The following SPIDR variants were observed in gnomAD, a reference collection of about 807,000 sequenced individuals.
The protein encoded by SPIDR is DNA repair-scaffolding protein.
A neutral mutation model predicts 104.6 loss-of-function variants in SPIDR; 93 were observed. That is an observed-to-expected ratio of 0.89 (90% CI 0.75 to 1.06). SPIDR has a LOEUF of 1.06. Ranked by LOEUF, SPIDR falls within the 50% of genes least tolerant of loss-of-function variation. The pLI, the probability that SPIDR is intolerant of heterozygous loss-of-function variation, is 0.00. For missense variants in SPIDR, 1,154 were observed against 1,111.2 expected (o/e 1.04, Z -0.55); for synonymous variants, 431 against 416.9 (o/e 1.03, Z -0.41).
chr8:47,372,453 C>G (rs2058148422), intron 5 of SPIDR, among the ~76,000 whole-genome samples: 1 of 151,946 alleles, frequency 6.6e-6, no homozygotes, highest in Non-Finnish European at 1.5e-5. Context: ...GGTGAAACCC[C>G]ATCTCTACTA....
intron 8 of SPIDR, among the ~76,000 whole-genome samples, chr8:47,566,000 T>A (rs1464861419): frequency 9.5e-4 from 53 of 55,642 alleles, no homozygotes; most frequent in East Asian, 1.9e-3. Context: ...ATATTTTTTT[T>A]TTTTTTTTTT....
chr8:47,691,034 G>A (rs907963469), intron 11 of SPIDR, among the ~76,000 whole-genome samples: 2 of 152,080 alleles, frequency 1.3e-5, no homozygotes, highest in Non-Finnish European at 2.9e-5. Context: ...GCTCATGCCT[G>A]TAATCCCAGC....
chr8:47,308,668 A>T (rs1325743600), intron 5 of SPIDR, among the ~76,000 whole-genome samples: 1 of 152,206 alleles, frequency 6.6e-6, no homozygotes, highest in Non-Finnish European at 1.5e-5. Flanking sequence ...GAGGGCTTGT[A>T]ACAGTGAGTG....
intron 8 of SPIDR, among the ~76,000 whole-genome samples, chr8:47,490,300 A>G (rs1253846234): frequency 1.3e-5 from 2 of 152,210 alleles, no homozygotes; most frequent in Non-Finnish European, 2.9e-5. Flanking sequence ...ACAATGAGAT[A>G]CCATGTCACA....
At chr8:47,437,391 A>G (rs1316439366) in intron 7 of SPIDR, among the ~76,000 whole-genome samples, 2 of 151,880 alleles carry the variant, frequency 1.3e-5, no homozygotes, top group East Asian at 1.9e-4. Flanking sequence ...ATGCTTTCCA[A>G]TTTCATCCAT....
chr8:47,698,832 A>G (rs893270322), intron 11 of SPIDR, among the ~76,000 whole-genome samples: 2 of 152,354 alleles, frequency 1.3e-5, no homozygotes, highest in South Asian at 4.1e-4. Flanking sequence ...GCCCTCTGCC[A>G]TGTCCAGTCC....
intron 10 of SPIDR, among the ~76,000 whole-genome samples, chr8:47,671,746 T>C (rs2075831701): frequency 6.6e-6 from 1 of 152,224 alleles, no homozygotes; most frequent in Non-Finnish European, 1.5e-5. Flanking sequence ...CATTCATTGC[T>C]CTTTAGAAGG....
intron 1 of SPIDR, among the ~76,000 whole-genome samples, chr8:47,278,859 A>T (rs1288145794): frequency 6.6e-6 from 1 of 152,020 alleles, no homozygotes; most frequent in African/African-American, 2.4e-5. Flanking sequence ...TTCTGAAATG[A>T]TAGAAGGAAG....
intron 14 of SPIDR, among the ~76,000 whole-genome samples, chr8:47,705,252 GATA>G (rs1476060353): frequency 6.6e-6 from 1 of 152,212 alleles, no homozygotes; most frequent in Non-Finnish European, 1.5e-5. Context: ...AGGTAGAGAA[GATA>G]ATGTTAATCC....
At chr8:47,568,561 C>A (rs1032477516) in intron 8 of SPIDR, among the ~76,000 whole-genome samples, 4 of 152,204 alleles carry the variant, frequency 2.6e-5, no homozygotes, top group African/African-American at 9.7e-5. Context: ...TCAAGTTCAG[C>A]TTTCACATTG....
chr8:47,304,793 A>G (rs1476633025), intron 5 of SPIDR, among the ~76,000 whole-genome samples: 13 of 152,258 alleles, frequency 8.5e-5, no homozygotes, highest in African/African-American at 3.1e-4. Flanking sequence ...AATGGTATAC[A>G]TTAAAAGAAT....
At chr8:47,697,596 G>T (rs2079531184) in intron 11 of SPIDR, among the ~76,000 whole-genome samples, 1 of 152,214 alleles carries the variant, frequency 6.6e-6, no homozygotes, top group Admixed American at 6.5e-5. Context: ...GCAGCTGCGT[G>T]TTCTGCAGCC....
chr8:47,407,738 T>C (rs1189477419), intron 6 of SPIDR, 123 bp from the exon 7 acceptor site: 2 of 479,986 alleles, frequency 4.2e-6, no homozygotes, highest in Non-Finnish European at 3.6e-6. Flanking sequence ...GTAACAAATA[T>C]ACGTTAAAAT....
intron 8 of SPIDR, among the ~76,000 whole-genome samples, chr8:47,508,830 G>A (rs989846762): frequency 6.6e-6 from 1 of 152,172 alleles, no homozygotes; most frequent in African/African-American, 2.4e-5. Context: ...AATAAGTGCT[G>A]AGAAGTCCGG....
At chr8:47,623,070 G>C (rs548644000) in intron 10 of SPIDR, among the ~76,000 whole-genome samples, 4 of 152,122 alleles carry the variant, frequency 2.6e-5, no homozygotes, top group Admixed American at 2.6e-4. Flanking sequence ...TAACAGCTTG[G>C]AGTTTTTTAG....
At chr8:47,310,293 C>G (rs587708635) in intron 5 of SPIDR, among the ~76,000 whole-genome samples, 1 of 148,656 alleles carries the variant, frequency 6.7e-6, no homozygotes, top group African/African-American at 2.5e-5. Flanking sequence ...GAGATCGCGC[C>G]GCTGCACTCC....
intron 5 of SPIDR, among the ~76,000 whole-genome samples, chr8:47,361,813 G>A (rs1342251190): frequency 3.3e-5 from 5 of 152,234 alleles, no homozygotes; most frequent in Non-Finnish European, 7.3e-5. Context: ...GCACCAGCCT[G>A]AGGCCAGGCT....
intron 8 of SPIDR, among the ~76,000 whole-genome samples, chr8:47,495,886 C>G (rs977811028): frequency 6.6e-6 from 1 of 152,042 alleles, no homozygotes; most frequent in Non-Finnish European, 1.5e-5. Flanking sequence ...TATTTCTGTC[C>G]TTATGCCACT....
At chr8:47,343,097 G>A (rs73565204) in intron 5 of SPIDR, among the ~76,000 whole-genome samples, 2,456 of 152,116 alleles carry the variant, frequency 0.016, 51 homozygotes, top group African/African-American at 0.056. Context: ...TTTATTGATG[G>A]TATTTTTTCT....
Sources: allele counts gnomAD v4.1 joint callset (sites outside exome capture counted in the v4.1 genomes callset), GRCh38; gene constraint gnomAD v4.1.1; transcripts MANE v1.5; gene names NCBI Gene and HGNC (gene_info 2026-07-23, HGNC 2026-07-21).